SPAG16: variants seen among roughly 807,000 people sequenced by gnomAD.
SPAG16 encodes the protein sperm associated antigen 16.
A neutral mutation model predicts 80.4 loss-of-function variants in SPAG16; 86 were observed. The observed-to-expected ratio is 1.07, with a 90% CI of 0.90 to 1.28. The LOEUF (loss-of-function observed/expected upper bound fraction) is 1.28. Ranked by LOEUF, SPAG16 falls within the 50% of genes most tolerant of loss-of-function variation. The probability of loss-of-function intolerance (pLI) is 0.00; values close to 1 mark genes in which losing one functional copy is unlikely to be tolerated. For synonymous variants in SPAG16, 294 were observed against 265.9 expected (o/e 1.11, Z -1.03); for missense variants, 870 against 765.3 (o/e 1.14, Z -1.61).
intron 10 of SPAG16, among the ~76,000 whole-genome samples, chr2:213,676,976 A>G (rs1490694075): frequency 6.6e-6 from 1 of 151,472 alleles, no homozygotes; most frequent in Non-Finnish European, 1.5e-5. Flanking sequence ...TCCTCCTTGT[A>G]CCTCTGGTAG....
At chr2:213,637,638 A>G (rs1046024277) in intron 10 of SPAG16, among the ~76,000 whole-genome samples, 1 of 151,924 alleles carries the variant, frequency 6.6e-6, no homozygotes, top group Non-Finnish European at 1.5e-5. Context: ...TGGTCTGTTG[A>G]GAGTTTCCTT....
chr2:213,372,316 CG>C (rs2066683163), intron 8 of SPAG16, among the ~76,000 whole-genome samples: 1 of 151,842 alleles, frequency 6.6e-6, no homozygotes, highest in South Asian at 2.1e-4. Flanking sequence ...TTATTAATTC[CG>C]GATGACCTTC....
chr2:213,969,103 T>A (rs973117084), intron 12 of SPAG16, among the ~76,000 whole-genome samples: 1 of 152,146 alleles, frequency 6.6e-6, no homozygotes, highest in Non-Finnish European at 1.5e-5. Context: ...AACAGTTGTG[T>A]AGTGGTGTGA....
At chr2:213,923,563 A>G (rs1451807865) in intron 11 of SPAG16, among the ~76,000 whole-genome samples, 4 of 152,180 alleles carry the variant, frequency 2.6e-5, no homozygotes, top group Non-Finnish European at 4.4e-5. Context: ...CCACTGAGCC[A>G]GAAACTCTAT....
chr2:213,841,365 C>G (rs1335067785), intron 10 of SPAG16, among the ~76,000 whole-genome samples: 1 of 152,168 alleles, frequency 6.6e-6, no homozygotes, highest in Non-Finnish European at 1.5e-5. Flanking sequence ...GTTTCATATT[C>G]ATGTTAGACC....
chr2:213,519,993 A>G (rs768848898), intron 10 of SPAG16, among the ~76,000 whole-genome samples: 11 of 152,106 alleles, frequency 7.2e-5, no homozygotes, highest in Non-Finnish European at 1.5e-4. Flanking sequence ...AGACACAAAC[A>G]TACGCACAAA....
At chr2:213,327,674 A>G (rs749281053) in intron 5 of SPAG16, among the ~76,000 whole-genome samples, 35 of 151,844 alleles carry the variant, frequency 2.3e-4, no homozygotes, top group Non-Finnish European at 2.9e-4. Context: ...AGTATACTCA[A>G]AATAGACGTT....
chr2:213,915,313 T>A (rs547336320), intron 11 of SPAG16, among the ~76,000 whole-genome samples: 48 of 151,852 alleles, frequency 3.2e-4, no homozygotes, highest in Non-Finnish European at 5.7e-4. Flanking sequence ...CAGTGTGTGA[T>A]CTTCCCCTCC....
At chr2:214,090,284 A>G (rs2052091444) in intron 13 of SPAG16, among the ~76,000 whole-genome samples, 1 of 151,982 alleles carries the variant, frequency 6.6e-6, no homozygotes, top group Admixed American at 6.6e-5. Flanking sequence ...TTAAAATAAA[A>G]TAATTATCTA....
chr2:213,653,809 GC>G (rs2063113558), intron 10 of SPAG16, among the ~76,000 whole-genome samples: 2 of 151,858 alleles, frequency 1.3e-5, no homozygotes, highest in African/African-American at 2.4e-5. Context: ...CACAATCCTT[GC>G]TTTGTATTAT....
At chr2:213,562,143 A>G (rs1157086022) in intron 10 of SPAG16, among the ~76,000 whole-genome samples, 1 of 152,230 alleles carries the variant, frequency 6.6e-6, no homozygotes, top group Admixed American at 6.5e-5. Context: ...TTTTCTGCAA[A>G]TAGAAGACAT....
intron 13 of SPAG16, among the ~76,000 whole-genome samples, chr2:214,079,120 G>T (rs1465374721): frequency 1.3e-5 from 2 of 152,056 alleles, no homozygotes; most frequent in African/African-American, 4.8e-5. Context: ...CAAGAGAAAA[G>T]ATCATCATAG....
At chr2:213,548,231 G>C (rs1304363537) in intron 10 of SPAG16, among the ~76,000 whole-genome samples, 1 of 150,334 alleles carries the variant, frequency 6.7e-6, no homozygotes, top group South Asian at 2.1e-4. Context: ...TTTTTTTTTC[G>C]GGGACGGAGT....
At chr2:214,282,168 A>T (rs1383919338) in intron 15 of SPAG16, among the ~76,000 whole-genome samples, 1 of 152,224 alleles carries the variant, frequency 6.6e-6, no homozygotes, top group African/African-American at 2.4e-5. Context: ...CAGATCAATT[A>T]TACTTTAACG....
intron 10 of SPAG16, among the ~76,000 whole-genome samples, chr2:213,684,178 C>A (rs1035166947): frequency 6.6e-6 from 1 of 152,192 alleles, no homozygotes; most frequent in Non-Finnish European, 1.5e-5. Flanking sequence ...GATTAATTAA[C>A]CCGAATTTGC....
At chr2:213,551,119 A>G (rs2076766953) in intron 10 of SPAG16, among the ~76,000 whole-genome samples, 3 of 152,062 alleles carry the variant, frequency 2.0e-5, no homozygotes. Flanking sequence ...CTTTTCTTCT[A>G]TTGCAGACAG....
chr2:213,547,131 C>T (rs1350801780), intron 10 of SPAG16, among the ~76,000 whole-genome samples: 1 of 151,956 alleles, frequency 6.6e-6, no homozygotes, highest in Non-Finnish European at 1.5e-5. Context: ...AACCTCAGGG[C>T]TCTTTAAAAA....
chr2:213,592,837 A>G (rs1350612116), intron 10 of SPAG16, among the ~76,000 whole-genome samples: 1 of 152,214 alleles, frequency 6.6e-6, no homozygotes, highest in South Asian at 2.1e-4. Flanking sequence ...TACTGTTCCT[A>G]TAGCAGGTGG....
chr2:213,990,437 A>G (rs1376715987), intron 12 of SPAG16, among the ~76,000 whole-genome samples: 10 of 152,146 alleles, frequency 6.6e-5, no homozygotes, highest in Non-Finnish European at 1.5e-5. Flanking sequence ...CTTAGCTACT[A>G]AATGCCTACT....
Sources: allele counts gnomAD v4.1 joint callset (sites outside exome capture counted in the v4.1 genomes callset), GRCh38; gene constraint gnomAD v4.1.1; transcripts MANE v1.5; gene names NCBI Gene and HGNC (gene_info 2026-07-23, HGNC 2026-07-21).